The following ST6GAL2 variants were observed in gnomAD, a reference collection of about 807,000 sequenced individuals.
ST6GAL2 encodes beta-galactoside alpha-2,6-sialyltransferase 2.
ST6GAL2 carries 24 observed loss-of-function variants against 37.5 expected under a neutral mutation model. That is an observed-to-expected ratio of 0.64 (90% CI 0.46 to 0.90). The LOEUF (loss-of-function observed/expected upper bound fraction) is 0.90, where lower values mean the gene tolerates loss of function less well. Ranked by LOEUF, ST6GAL2 falls within the 40% of genes least tolerant of loss-of-function variation. The probability of loss-of-function intolerance (pLI) is 0.00; values close to 1 mark genes in which losing one functional copy is unlikely to be tolerated. For synonymous variants in ST6GAL2, 306 were observed against 295.1 expected (o/e 1.04, Z -0.38); for missense variants, 715 against 712.7 (o/e 1.00, Z -0.04).
chr2:106,857,604 AAAAAC>A (rs1479655651), intron 1 of ST6GAL2, among the ~76,000 whole-genome samples: 3 of 152,196 alleles, frequency 2.0e-5, no homozygotes, highest in Admixed American at 2.0e-4. Flanking sequence ...ACCCCATCTC[AAAAAC>A]AAAACAAAAC....
In ST6GAL2 at chr2:106,804,836, T is replaced by A. The variant is rs1279568495; in HGVS notation, c.*1842A>T. 1 of 61,524 alleles carries A rather than the reference T, an allele frequency of 1.6e-5. No individual in the cohort carries two copies. The highest frequency in any genetic ancestry group is 5.9e-5 in the African/African-American group (1 of 16,946). The allele number at this position is 61,524 out of a possible 1,614,324, so 3.8% of individuals were successfully genotyped here. On this transcript the variant is annotated 3_prime_UTR_variant, in exon 6 of 6. Coordinates refer to ENST00000409382, the MANE Select transcript of ST6GAL2 (RefSeq NM_001142351.2). ...TAGCCTGGGCGACAGAGCGAGAGACTGTCTCAAAAAAAAAAAAAAAAAAGA... is the reference window on the plus strand; with the variant it reads ...TAGCCTGGGCGACAGAGCGAGAGACAGTCTCAAAAAAAAAAAAAAAAAAGA...
intron 3 of ST6GAL2, among the ~76,000 whole-genome samples, chr2:106,833,105 C>A (rs931274176): frequency 6.6e-6 from 1 of 152,114 alleles, no homozygotes; most frequent in Non-Finnish European, 1.5e-5. Context: ...TAAATGAGTT[C>A]TTCAATCTCA....
At chr2:106,886,291 C>G (rs1226783470), upstream of ST6GAL2, 8 of 152,186 alleles carry the variant, frequency 5.3e-5, no homozygotes, top group Admixed American at 5.2e-4. Context: ...CCCCGACTCA[C>G]GCCGCGGAAC....
chr2:106,878,263 G>A (rs1678590345), intron 1 of ST6GAL2, among the ~76,000 whole-genome samples: 1 of 152,220 alleles, frequency 6.6e-6, no homozygotes, highest in South Asian at 2.1e-4. Context: ...AGAAGTTCAA[G>A]ACCAGCCTGG....
intron 5 of ST6GAL2, among the ~76,000 whole-genome samples, chr2:106,829,184 CTCCCTCACT>C (rs1676316791): frequency 6.6e-6 from 1 of 152,186 alleles, no homozygotes; most frequent in South Asian, 2.1e-4. Context: ...CTGGACATGC[CTCCCTCACT>C]TCCCTCAAGA....
At chr2:106,812,187 T>C (rs1172679695) in intron 5 of ST6GAL2, among the ~76,000 whole-genome samples, 1 of 152,162 alleles carries the variant, frequency 6.6e-6, no homozygotes, top group Non-Finnish European at 1.5e-5. Flanking sequence ...AATAACACCA[T>C]GTGTGGAACC....
chr2:106,840,870 G>A (rs1020712224), intron 2 of ST6GAL2, among the ~76,000 whole-genome samples: 6 of 152,108 alleles, frequency 3.9e-5, no homozygotes, highest in African/African-American at 1.4e-4. Flanking sequence ...AACCAAACCG[G>A]AAGCAAGTTA....
chr2:106,839,450 T>C (rs1327151659), intron 2 of ST6GAL2, among the ~76,000 whole-genome samples: 1 of 152,198 alleles, frequency 6.6e-6, no homozygotes, highest in East Asian at 1.9e-4. Flanking sequence ...ACCACTGAAG[T>C]GTGCCGGTAT....
At chr2:106,860,049 G>A (rs903922447) in intron 1 of ST6GAL2, among the ~76,000 whole-genome samples, 3 of 152,020 alleles carry the variant, frequency 2.0e-5, no homozygotes, top group Non-Finnish European at 4.4e-5. Context: ...CTCTGCCTGG[G>A]ACAAGCCTGC....
intron 1 of ST6GAL2, among the ~76,000 whole-genome samples, chr2:106,875,984 T>C (rs1355098892): frequency 6.6e-6 from 1 of 152,150 alleles, no homozygotes; most frequent in Non-Finnish European, 1.5e-5. Context: ...TTTTTGTAAA[T>C]AGATGAGGTC....
Position 106,806,375 on chromosome 2 carries a change from C to A in ST6GAL2, c.*303G>T. 1 of 303,302 alleles carries A rather than the reference C, an allele frequency of 3.3e-6. No homozygotes were observed. The highest frequency in any genetic ancestry group is 6.1e-6 in the Non-Finnish European group (1 of 162,856). The allele number at this position is 303,302 out of a possible 1,614,324, so 18.8% of individuals were successfully genotyped here. A position where few individuals can be genotyped will look rare whatever the true frequency, so the allele number is the denominator to read the frequency against. ...CAACCCTGATGAGGGGTACTCATGG[C>A]AGAAGAATAAGTTGTTAACATTTCT... is the stretch of plus-strand genomic sequence containing the variant. On this transcript the variant is annotated 3_prime_UTR_variant, in exon 6 of 6. Transcript: ENST00000409382.
At position 106,843,257 on chromosome 2, in the gene ST6GAL2, T is replaced by C; in HGVS notation, c.721A>G (p.Lys241Glu). The C allele has an allele frequency of 6.3e-7, 1 of 1,598,314 alleles. No individual in the cohort carries two copies. Among genetic ancestry groups the C allele is most frequent in the Non-Finnish European group, 8.5e-7 (1 of 1,172,160 alleles). The change falls in exon 2 of 6, where the codon AAG (lysine) becomes GAG (glutamate). Residue 241 changes from lysine to glutamate, a missense_variant. Physicochemically the swap from Lys to Glu is moderately conservative, Grantham distance 56 (BLOSUM62 1). Transcript: ENST00000409382. ...ANKHGVRFRG[K>E]REAGLSRAQL... Reference sequence around the variant, plus strand: ...GCCCTGCTCAGCCCGGCCTCCCGCTTCCCGCGGAAGCGCACCCCGTGCTTG... The same window carrying C: ...GCCCTGCTCAGCCCGGCCTCCCGCTCCCCGCGGAAGCGCACCCCGTGCTTG...
At position 106,843,873 on chromosome 2, in the gene ST6GAL2, G is replaced by A. The variant is rs768643816; in HGVS notation, c.105C>T (p.Pro35=). ...LIFIYFTDSN[P]AEPVPSSLSF... Reference sequence around the variant, plus strand: ...AGAGGGAGCTGGGTACAGGCTCAGCGGGGTTGCTGTCGGTGAAGTAGATGA... The same window carrying A: ...AGAGGGAGCTGGGTACAGGCTCAGCAGGGTTGCTGTCGGTGAAGTAGATGA... Residue 35 remains proline (P), a synonymous_variant, in exon 2 of 6, where the codon CCC becomes CCT. Transcript: ENST00000409382. 3.1e-6 allele frequency: 5 copies of A among 1,609,970 alleles called. No homozygotes were observed. The African/African-American group carries it at 4.0e-5, about 13-fold the overall frequency.
At chr2:106,851,716 T>C (rs568807227) in intron 1 of ST6GAL2, among the ~76,000 whole-genome samples, 1 of 151,852 alleles carries the variant, frequency 6.6e-6, no homozygotes, top group African/African-American at 2.4e-5. Context: ...CTGCTATTAA[T>C]TGCCAGCTGG....
At chr2:106,881,053 A>C (rs1389321082) in intron 1 of ST6GAL2, among the ~76,000 whole-genome samples, 1 of 152,172 alleles carries the variant, frequency 6.6e-6, no homozygotes, top group African/African-American at 2.4e-5. Context: ...CAGAGTGATC[A>C]TGACTCACTG....
intron 1 of ST6GAL2, among the ~76,000 whole-genome samples, chr2:106,875,176 T>C (rs1313318946): frequency 2.0e-4 from 17 of 85,018 alleles, no homozygotes; most frequent in African/African-American, 8.1e-4. Context: ...TTTTGTTTCT[T>C]TTTTTTTTTT....
chr2:106,844,612 A>C (rs1024640161), intron 1 of ST6GAL2, among the ~76,000 whole-genome samples: 4 of 152,172 alleles, frequency 2.6e-5, no homozygotes, highest in Admixed American at 2.0e-4. Context: ...GATGGCACTG[A>C]ATAAAGCAAT....
chr2:106,805,348 G>C lies in ST6GAL2; in HGVS notation c.*1330C>G, dbSNP rs1370895473. On this transcript the variant is annotated 3_prime_UTR_variant, in exon 6 of 6. Transcript: ENST00000409382. ...AATTAAGGTATTACAGAATGTTTCT[G>C]TTTCACTATATTCATAGCAAAAATT... is the stretch of plus-strand genomic sequence containing the variant. 2.6e-5 allele frequency: 4 copies of C among 152,172 alleles called. No individual in the cohort carries two copies. The highest frequency in any genetic ancestry group is 2.6e-4 in the Admixed American group (4 of 15,282). 9.4% of individuals were successfully genotyped at this position (152,172 alleles called of 1,614,324 possible). A position where few individuals can be genotyped will look rare whatever the true frequency, so the allele number is the denominator to read the frequency against.
rs780878281 is a variant in ST6GAL2, at chr2:106,832,565, C to A, written c.1143G>T (p.Leu381=). The A allele has an allele frequency of 1.3e-6, 2 of 1,542,802 alleles. No individual in the cohort carries two copies. Residue 381 remains leucine, a splice_region_variant and synonymous_variant, in exon 4 of 6, where the codon CTG becomes CTT. Transcript: ENST00000409382. ...DPAPYSANLN[L]WYKKPDYNLF... is the part of the protein sequence containing the mutation. ...TGGGCAAATCCAGGGAAACACTTAC[C>A]AGGTTAAGATTTGCGGAATATGGGG...
Sources: gnomAD v4.1 joint callset for allele counts (sites outside exome capture counted in the v4.1 genomes callset) on GRCh38, gnomAD v4.1.1 for gene constraint, MANE v1.5 for transcripts, NCBI Gene and HGNC (gene_info 2026-07-23, HGNC 2026-07-21) for gene names.